Variants in ATOSA observed in about 807,000 individuals in gnomAD.
The protein encoded by ATOSA is atos homolog A.
At chr15:52,584,684 A>G in the ATOSA span, 1 of 1,480,408 alleles carries the variant, frequency 6.8e-7, no homozygotes, top group South Asian at 1.3e-5. Flanking sequence ...GTTTAAAAAA[A>G]AAAACTAAAA....
chr15:52,693,310 C>T, the ATOSA span, among the ~76,000 whole-genome samples: 1 of 152,086 alleles, frequency 6.6e-6, no homozygotes, highest in Non-Finnish European at 1.5e-5. Context: ...ATCTCAGCTA[C>T]TTGGGAGGCT....
the ATOSA span, among the ~76,000 whole-genome samples, chr15:52,690,575 T>C: frequency 1.3e-5 from 2 of 152,174 alleles, no homozygotes; most frequent in Non-Finnish European, 2.9e-5. Flanking sequence ...AGAAAGAAGG[T>C]TAACAAAACC....
the ATOSA span, among the ~76,000 whole-genome samples, chr15:52,630,085 A>C: frequency 6.6e-6 from 1 of 152,168 alleles, no homozygotes; most frequent in Non-Finnish European, 1.5e-5. Flanking sequence ...GTTCTGAACA[A>C]GTTCTTTTCC....
At chr15:52,602,646 C>A in the ATOSA span, among the ~76,000 whole-genome samples, 6 of 152,234 alleles carry the variant, frequency 3.9e-5, no homozygotes, top group South Asian at 1.0e-3. Flanking sequence ...GAACCCCTAC[C>A]ATGTGTGGCT....
chr15:52,622,928 G>C, the ATOSA span, among the ~76,000 whole-genome samples: 4 of 151,690 alleles, frequency 2.6e-5, no homozygotes, highest in Middle Eastern at 3.4e-3. Context: ...TTTGAGACCA[G>C]CCTGGGCAAC....
chr15:52,703,697 T>TG, the ATOSA span, among the ~76,000 whole-genome samples: 1 of 148,036 alleles, frequency 6.8e-6, no homozygotes, highest in Non-Finnish European at 1.5e-5. Context: ...TGTTAGGGGG[T>TG]GGGGGGCTAG....
chr15:52,700,188 C>T, the ATOSA span, among the ~76,000 whole-genome samples: 4 of 152,118 alleles, frequency 2.6e-5, no homozygotes, highest in Non-Finnish European at 4.4e-5. Flanking sequence ...TGAGACTTTA[C>T]ATACCAAATT....
At chr15:52,587,429 A>G in the ATOSA span, 1 of 438,374 alleles carries the variant, frequency 2.3e-6, no homozygotes, top group African/African-American at 2.0e-5. Flanking sequence ...TAAAGAATAT[A>G]TAACATCAAT....
chr15:52,614,011 T>C, the ATOSA span: 1 of 720,628 alleles, frequency 1.4e-6, no homozygotes. Flanking sequence ...ACTAAACTTT[T>C]GATTCACAAA....
At chr15:52,666,460 G>A in the ATOSA span, among the ~76,000 whole-genome samples, 2 of 152,222 alleles carry the variant, frequency 1.3e-5, no homozygotes, top group Non-Finnish European at 2.9e-5. Context: ...ACTCTATCTT[G>A]TATATAGGGA....
the ATOSA span, among the ~76,000 whole-genome samples, chr15:52,635,364 C>G: frequency 6.2e-3 from 945 of 152,266 alleles, 6 homozygotes; most frequent in African/African-American, 0.022. Flanking sequence ...CATGATAGAT[C>G]ATATTCTGAG....
the ATOSA span, among the ~76,000 whole-genome samples, chr15:52,707,312 T>A: frequency 6.6e-6 from 1 of 152,018 alleles, no homozygotes; most frequent in African/African-American, 2.4e-5. Context: ...GTGGAAAAAA[T>A]AGGCAGCAAA....
chr15:52,701,902 G>A, the ATOSA span, among the ~76,000 whole-genome samples: 3 of 151,940 alleles, frequency 2.0e-5, no homozygotes, highest in Non-Finnish European at 4.4e-5. Context: ...GAGTTTAAGA[G>A]TAGTCTGGGC....
chr15:52,650,755 T>C, the ATOSA span, among the ~76,000 whole-genome samples: 2 of 152,198 alleles, frequency 1.3e-5, no homozygotes, highest in African/African-American at 4.8e-5. Context: ...TCATCAGACA[T>C]ACATCACTGA....
At chr15:52,686,130 G>A in the ATOSA span, among the ~76,000 whole-genome samples, 1 of 152,212 alleles carries the variant, frequency 6.6e-6, no homozygotes, top group African/African-American at 2.4e-5. Flanking sequence ...TTTAGAAGCA[G>A]TGATGGGTAG....
the ATOSA span, among the ~76,000 whole-genome samples, chr15:52,709,150 T>C: frequency 3.0e-4 from 46 of 152,170 alleles, no homozygotes; most frequent in African/African-American, 1.1e-3. Context: ...GGCAAGTGGG[T>C]CAGTTTTGCC....
At chr15:52,662,443 AG>A in the ATOSA span, among the ~76,000 whole-genome samples, 1 of 152,180 alleles carries the variant, frequency 6.6e-6, no homozygotes, top group African/African-American at 2.4e-5. Context: ...TAAATAGTGC[AG>A]CTTACTACTC....
the ATOSA span, among the ~76,000 whole-genome samples, chr15:52,664,970 A>G: frequency 5.9e-5 from 9 of 152,102 alleles, no homozygotes; most frequent in African/African-American, 1.9e-4. Flanking sequence ...CAGGGGAAGG[A>G]ATACCAGCTA....
chr15:52,696,325 C>T, the ATOSA span, among the ~76,000 whole-genome samples: 1 of 152,144 alleles, frequency 6.6e-6, no homozygotes, highest in East Asian at 1.9e-4. Flanking sequence ...GATTCTATTT[C>T]CAAATACCAG....
Sources: allele counts gnomAD v4.1 joint callset (sites outside exome capture counted in the v4.1 genomes callset), GRCh38; gene constraint gnomAD v4.1.1; transcripts MANE v1.5; gene names NCBI Gene and HGNC (gene_info 2026-07-23, HGNC 2026-07-21).